The following ALK variants were observed in gnomAD, a reference collection of about 807,000 sequenced individuals.
ALK encodes the protein ALK receptor tyrosine kinase, also known as ALK tyrosine kinase receptor.
Under a neutral mutation model 163.1 loss-of-function variants are expected in ALK, and 74 were observed. That is an observed-to-expected ratio of 0.45 (90% CI 0.38 to 0.55). ALK has a LOEUF of 0.55. Ranked by LOEUF, ALK falls within the 20% of genes least tolerant of loss-of-function variation. The pLI is 0.00. For synonymous variants in ALK, 960 were observed against 843.2 expected, an observed-to-expected ratio of 1.14 and a Z score of -2.40; for missense variants, 2,063 against 2,105.3, an observed-to-expected ratio of 0.98 and a Z score of 0.39.
At chr2:29,842,245 C>T (rs1041757328) in intron 1 of ALK, among the ~76,000 whole-genome samples, 21 of 152,022 alleles carry the variant, frequency 1.4e-4, no homozygotes, top group East Asian at 1.9e-4. Context: ...ATGAAAGACC[C>T]GAGGAGAGGT....
chr2:29,498,403 C>G (rs1672085734), intron 4 of ALK, among the ~76,000 whole-genome samples: 1 of 151,172 alleles, frequency 6.6e-6, no homozygotes, highest in Non-Finnish European at 1.5e-5. Context: ...CCTGTAGGGT[C>G]TTGGTATGTG....
At chr2:29,573,515 G>A (rs951321404) in intron 3 of ALK, among the ~76,000 whole-genome samples, 1 of 152,150 alleles carries the variant, frequency 6.6e-6, no homozygotes, top group African/African-American at 2.4e-5. Flanking sequence ...TTTTGAGACA[G>A]GATCTCACTC....
At chr2:29,732,706 C>G (rs1309415989) in intron 1 of ALK, among the ~76,000 whole-genome samples, 2 of 152,014 alleles carry the variant, frequency 1.3e-5, no homozygotes. Flanking sequence ...GGATTAGTGC[C>G]CACAGAAAAG....
intron 4 of ALK, among the ~76,000 whole-genome samples, chr2:29,528,949 G>T (rs554759217): frequency 5.3e-5 from 8 of 152,264 alleles, no homozygotes; most frequent in African/African-American, 1.9e-4. Context: ...TCTGTCCCCT[G>T]CGAGACTCCA....
At position 29,228,953 on chromosome 2, in the gene ALK, C is replaced by T. The variant is rs2148180551; in HGVS notation, c.2746G>A (p.Glu916Lys). ...CCCCCTCCGAAACCCCCTCTTGTCT[C>T]CCACCCCCACTTCTTCATGGCCTGG... ...CPQAMKKWGW[E>K]TRGGFGGGGG... The change falls in exon 16 of 29, where the codon GAG (glutamate) becomes AAG (lysine). Residue 916 changes from glutamate to lysine, a missense_variant. By Grantham distance (56) the Glu-to-Lys change is moderately conservative. This residue lies in a region of ALK where 575 missense variants were observed against 626.6 expected (regional missense o/e 0.92). Coordinates refer to ENST00000389048, the MANE Select transcript of ALK (RefSeq NM_004304.5). 9.9e-7 allele frequency: 1 copy of T among 1,006,292 alleles called. No individual in the cohort carries two copies. The highest frequency in any genetic ancestry group is 1.5e-6 in the Non-Finnish European group (1 of 687,638). 62.3% of individuals were successfully genotyped at this position (1,006,292 alleles called of 1,614,324 possible). A position where few individuals can be genotyped will look rare whatever the true frequency, so the allele number is the denominator to read the frequency against.
chr2:29,890,389 G>A (rs974290893), intron 1 of ALK: 2 of 152,190 alleles, frequency 1.3e-5, no homozygotes, highest in Non-Finnish European at 2.9e-5. Context: ...TTTTCTAAAA[G>A]TGAGTCTGAA....
At chr2:29,319,008 AT>A in intron 7 of ALK, 1 of 155,024 alleles carries the variant, frequency 6.5e-6, no homozygotes, top group Non-Finnish European at 1.4e-5. Context: ...CACCCTCCCC[AT>A]TTTCAGTCAT....
chr2:29,708,621 G>A (rs1678982410), intron 2 of ALK, among the ~76,000 whole-genome samples: 1 of 152,176 alleles, frequency 6.6e-6, no homozygotes, highest in African/African-American at 2.4e-5. Flanking sequence ...GGGATGAGTT[G>A]TGTAAAGCAA....
chr2:29,356,442 C>G (rs1173259469), intron 5 of ALK, among the ~76,000 whole-genome samples: 1 of 144,692 alleles, frequency 6.9e-6, no homozygotes, highest in Non-Finnish European at 1.5e-5. Flanking sequence ...TATACTCCTT[C>G]TCCACATCAG....
At chr2:29,280,881 G>C (rs1048979719) in intron 9 of ALK, among the ~76,000 whole-genome samples, 4 of 151,900 alleles carry the variant, frequency 2.6e-5, no homozygotes, top group Non-Finnish European at 5.9e-5. Flanking sequence ...GGACCACTCT[G>C]GGACTGAGGG....
intron 1 of ALK, among the ~76,000 whole-genome samples, chr2:29,818,826 A>C (rs1664967755): frequency 6.6e-6 from 1 of 152,144 alleles, no homozygotes; most frequent in Admixed American, 6.5e-5. Context: ...TTGGTTCTGC[A>C]CTCTAGCTGC....
chr2:29,615,585 A>G (rs1675820069), intron 3 of ALK, among the ~76,000 whole-genome samples: 1 of 152,222 alleles, frequency 6.6e-6, no homozygotes, highest in Non-Finnish European at 1.5e-5. Flanking sequence ...CTTATAGTTT[A>G]TAGTTACTGT....
intron 5 of ALK, among the ~76,000 whole-genome samples, chr2:29,339,462 G>A (rs1205970406): frequency 2.0e-5 from 3 of 152,296 alleles, no homozygotes; most frequent in East Asian, 1.9e-4. Context: ...GCTGCGGAGG[G>A]AGGCCAAGGC....
chr2:29,522,736 T>TGGGA (rs1198764900), intron 4 of ALK, among the ~76,000 whole-genome samples: 4 of 152,186 alleles, frequency 2.6e-5, no homozygotes, highest in African/African-American at 9.6e-5. Context: ...CCATGGCTAC[T>TGGGA]CTTCTTGCAA....
intron 26 of ALK, among the ~76,000 whole-genome samples, chr2:29,199,871 C>T (rs1669114373): frequency 6.6e-6 from 1 of 152,102 alleles, no homozygotes; most frequent in African/African-American, 2.4e-5. Flanking sequence ...GCAAATATTA[C>T]CACAAAAATT....
At chr2:29,496,046 T>C (rs1437824448) in intron 4 of ALK, among the ~76,000 whole-genome samples, 1 of 152,202 alleles carries the variant, frequency 6.6e-6, no homozygotes, top group Non-Finnish European at 1.5e-5. Context: ...CCCCTCCCTT[T>C]GCGGCCGCCT....
At chr2:29,452,829 A>G (rs1015873107) in intron 4 of ALK, among the ~76,000 whole-genome samples, 1 of 152,314 alleles carries the variant, frequency 6.6e-6, no homozygotes, top group African/African-American at 2.4e-5. Context: ...TCTCCTCTCC[A>G]TAATGTAGAA....
chr2:29,606,106 C>T (rs563358102), intron 3 of ALK, among the ~76,000 whole-genome samples: 1 of 152,296 alleles, frequency 6.6e-6, no homozygotes, highest in African/African-American at 2.4e-5. Context: ...TCTAATCACT[C>T]TTCATGTGCT....
chr2:29,278,806 CA>C (rs1665610680), intron 9 of ALK, among the ~76,000 whole-genome samples: 1 of 152,188 alleles, frequency 6.6e-6, no homozygotes, highest in South Asian at 2.1e-4. Context: ...GCCTGCACAT[CA>C]GGGGGTGAGT....
Sources: gnomAD v4.1 joint callset for allele counts (sites outside exome capture counted in the v4.1 genomes callset) on GRCh38, gnomAD v4.1.1 for gene constraint, gnomAD v4.1.1 regional missense constraint, MANE v1.5 for transcripts, NCBI Gene and HGNC (gene_info 2026-07-23, HGNC 2026-07-21) for gene names.